The following SLX4IP variants were observed in gnomAD, a reference collection of about 807,000 sequenced individuals.
SLX4IP encodes the protein SLX4 interacting protein, also known as protein SLX4IP.
In SLX4IP, 34 loss-of-function variants were observed where a neutral mutation model predicts 32.9. The observed-to-expected ratio is 1.03, with a 90% CI of 0.79 to 1.38. SLX4IP has a LOEUF of 1.38. Ranked by LOEUF, SLX4IP falls within the 40% of genes most tolerant of loss-of-function variation. SLX4IP has a pLI of 0.00. For synonymous variants in SLX4IP, 172 were observed against 171.7 expected (o/e 1.00, Z -0.01); for missense variants, 444 against 479.0 (o/e 0.93, Z 0.68).
At chr20:10,463,299 C>T (rs920325804) in intron 2 of SLX4IP, among the ~76,000 whole-genome samples, 4 of 152,156 alleles carry the variant, frequency 2.6e-5, no homozygotes, top group African/African-American at 9.7e-5. Context: ...GTCTTCTCTG[C>T]TATAGATAAT....
chr20:10,558,289 T>C (rs1389131409), intron 3 of SLX4IP, among the ~76,000 whole-genome samples: 1 of 147,992 alleles, frequency 6.8e-6, no homozygotes, highest in Non-Finnish European at 1.5e-5. Flanking sequence ...GCAGTGAGAG[T>C]TGTGATCATG....
In SLX4IP at chr20:10,509,504, C is replaced by T. The variant is rs1464221625; in HGVS notation, c.28-46727C>T. Among the ~76,000 whole-genome samples the T allele has an allele frequency of 5.3e-5, 8 of 152,270 alleles. No homozygotes were observed. The South Asian group carries it at 1.7e-3, about 32-fold the overall frequency. ...ACACTATAAAGTAGAGGGTCGCTCT[C>T]CTGTACCTCATTTCCCAAGTGTGGT... On this transcript the variant is annotated intron_variant, in intron 2 of 7. Transcript: ENST00000334534.
chr20:10,593,582 A>G (rs2066736617), intron 4 of SLX4IP, among the ~76,000 whole-genome samples: 1 of 152,154 alleles, frequency 6.6e-6, no homozygotes, highest in Non-Finnish European at 1.5e-5. Flanking sequence ...AAATAATTTT[A>G]AAACTTAGAT....
intron 1 of SLX4IP, among the ~76,000 whole-genome samples, chr20:10,437,466 C>A (rs903457525): frequency 6.6e-6 from 1 of 152,148 alleles, no homozygotes; most frequent in Admixed American, 6.5e-5. Context: ...ACAACTTTTA[C>A]GTTTTATGTT....
At chr20:10,458,490 TA>T (rs2065307171) in intron 2 of SLX4IP, among the ~76,000 whole-genome samples, 1 of 152,154 alleles carries the variant, frequency 6.6e-6, no homozygotes, top group African/African-American at 2.4e-5. Flanking sequence ...CAGTGTCCAT[TA>T]GCTATTCTTC....
chr20:10,595,575 C>G (rs1442357495), intron 4 of SLX4IP, among the ~76,000 whole-genome samples: 2 of 152,134 alleles, frequency 1.3e-5, no homozygotes, highest in Non-Finnish European at 2.9e-5. Context: ...TGGGTAAGTA[C>G]AAAATCTCAG....
chr20:10,627,379 C>T lies in SLX4IP; in HGVS notation c.*4000C>T, dbSNP rs1033335514. ...TGGTTTATCTTAAATAGTTAAAAGCCTTCCTTAGTACAAAATAAATTAAGC... is the reference window on the plus strand; with the variant it reads ...TGGTTTATCTTAAATAGTTAAAAGCTTTCCTTAGTACAAAATAAATTAAGC... On this transcript the variant is annotated 3_prime_UTR_variant, in exon 8 of 8. Transcript: ENST00000334534. 1.1e-4 allele frequency: 16 copies of T among 152,150 alleles called. No individual in the cohort carries two copies. The highest frequency in any genetic ancestry group is 3.6e-4 in the African/African-American group (15 of 41,436). The allele number at this position is 152,150 out of a possible 1,614,324, so 9.4% of individuals were successfully genotyped here.
intron 6 of SLX4IP, among the ~76,000 whole-genome samples, chr20:10,612,675 G>A (rs2066980832): frequency 6.6e-6 from 1 of 152,018 alleles, no homozygotes; most frequent in African/African-American, 2.4e-5. Context: ...GAGTAGCTGG[G>A]ATTACAGGCA....
intron 4 of SLX4IP, among the ~76,000 whole-genome samples, chr20:10,582,954 G>T (rs923608287): frequency 2.0e-5 from 3 of 151,946 alleles, no homozygotes; most frequent in African/African-American, 7.2e-5. Context: ...ATCTTGAAAG[G>T]CCCTGAATAT....
intron 4 of SLX4IP, among the ~76,000 whole-genome samples, chr20:10,576,885 G>T (rs553059667): frequency 6.6e-6 from 1 of 152,258 alleles, no homozygotes; most frequent in Non-Finnish European, 1.5e-5. Flanking sequence ...CCAGAAGTCT[G>T]ACCTGGAAGT....
At chr20:10,536,987 G>A (rs1171153679) in intron 2 of SLX4IP, among the ~76,000 whole-genome samples, 2 of 152,156 alleles carry the variant, frequency 1.3e-5, no homozygotes, top group Admixed American at 6.5e-5. Context: ...GTGTGAATTT[G>A]CATCATTGAT....
chr20:10,590,945 C>T (rs2066702378), intron 4 of SLX4IP, among the ~76,000 whole-genome samples: 1 of 152,174 alleles, frequency 6.6e-6, no homozygotes, highest in Non-Finnish European at 1.5e-5. Context: ...ATTTGGACCA[C>T]ACAATATATT....
chr20:10,517,046 G>A (rs6032892), intron 2 of SLX4IP, among the ~76,000 whole-genome samples: 6 of 152,306 alleles, frequency 3.9e-5, no homozygotes, highest in African/African-American at 1.4e-4. Context: ...AGCATGGGAG[G>A]AACTATGTAT....
chr20:10,611,366 T>C (rs569695341), intron 6 of SLX4IP, among the ~76,000 whole-genome samples: 2 of 152,364 alleles, frequency 1.3e-5, no homozygotes, highest in South Asian at 4.1e-4. Context: ...TTTTGTCTCA[T>C]GCCCCTGAAA....
chr20:10,493,793 A>G (rs1299289130), intron 2 of SLX4IP, among the ~76,000 whole-genome samples: 1 of 150,674 alleles, frequency 6.6e-6, no homozygotes, highest in Non-Finnish European at 1.5e-5. Flanking sequence ...CTACTGGTCT[A>G]CTTTGCAACT....
At chr20:10,556,922 T>C (rs1390939020) in intron 3 of SLX4IP, among the ~76,000 whole-genome samples, 1 of 152,174 alleles carries the variant, frequency 6.6e-6, no homozygotes, top group Non-Finnish European at 1.5e-5. Flanking sequence ...TTTGCCTAGA[T>C]GCCAAATTCA....
intron 6 of SLX4IP, among the ~76,000 whole-genome samples, chr20:10,608,432 G>A (rs184083523): frequency 0.016 from 2,428 of 152,164 alleles, 69 homozygotes; most frequent in African/African-American, 0.055. Context: ...TTGGGAGGCC[G>A]AGGCGGGCGG....
intron 4 of SLX4IP, among the ~76,000 whole-genome samples, chr20:10,578,971 T>C (rs1173892362): frequency 2.0e-5 from 3 of 152,180 alleles, no homozygotes; most frequent in Non-Finnish European, 2.9e-5. Context: ...TAGATATAAG[T>C]CCCTTATCAG....
At chr20:10,436,345 T>C (rs2065113797) in intron 1 of SLX4IP, among the ~76,000 whole-genome samples, 1 of 145,326 alleles carries the variant, frequency 6.9e-6, no homozygotes, top group African/African-American at 2.5e-5. Flanking sequence ...GGGCTAAAGA[T>C]ACAGCCCTTT....
Sources: gnomAD v4.1 joint callset for allele counts (sites outside exome capture counted in the v4.1 genomes callset) on GRCh38, gnomAD v4.1.1 for gene constraint, MANE v1.5 for transcripts, NCBI Gene and HGNC (gene_info 2026-07-23, HGNC 2026-07-21) for gene names.